ALPK2: variants seen among roughly 807,000 people sequenced by gnomAD.
ALPK2 encodes the protein alpha kinase 2, also known as alpha-protein kinase 2.
Under a neutral mutation model 163.1 loss-of-function variants are expected in ALPK2, and 127 were observed. That is an observed-to-expected ratio of 0.78 (90% CI 0.67 to 0.90). The LOEUF (loss-of-function observed/expected upper bound fraction) is 0.90, where lower values mean the gene tolerates loss of function less well. Among genes scored for constraint, ALPK2 ranks in the 40% least tolerant of loss-of-function variants. ALPK2 has a pLI of 0.00. For missense variants in ALPK2, 2,360 were observed against 2,589.6 expected (o/e 0.91, Z 1.92); for synonymous variants, 953 against 959.1 (o/e 0.99, Z 0.12).
chr18:58,531,100 T>C (rs1024382951), intron 5 of ALPK2, among the ~76,000 whole-genome samples: 1 of 151,938 alleles, frequency 6.6e-6, no homozygotes, highest in Non-Finnish European at 1.5e-5. Context: ...GAGGCTGAGG[T>C]GGGAGGATCG....
chr18:58,512,091 C>A (rs1246669827), intron 10 of ALPK2: 3 of 152,290 alleles, frequency 2.0e-5, no homozygotes, highest in African/African-American at 7.2e-5. Flanking sequence ...CGCCAAGCCA[C>A]CCTCTGTCGT....
chr18:58,601,426 C>A (rs79165899), intron 3 of ALPK2, among the ~76,000 whole-genome samples: 2,763 of 152,250 alleles, frequency 0.018, 48 homozygotes, highest in East Asian at 0.09. Context: ...AGTACGCACA[C>A]CTTGTTGCAA....
intron 4 of ALPK2, among the ~76,000 whole-genome samples, chr18:58,574,230 G>A (rs1356448186): frequency 2.6e-5 from 4 of 151,494 alleles, no homozygotes. Flanking sequence ...GGATCACAAG[G>A]TCAGGAGTTC....
rs759355327 is a variant in ALPK2, at chr18:58,537,099, C to T, written c.3088G>A (p.Asp1030Asn). The part of the protein sequence containing the change: ...AKYLAVSIPE[D>N]KHAGGTEERF... ...TCCTCAGTGCCACCTGCATGCTTGT[C>T]CTCAGGAATTGACACAGCAAGGTAT... The change falls in exon 5 of 13, where the codon GAC becomes AAC. Residue 1030 changes from aspartate to asparagine, a missense_variant. Coordinates refer to ENST00000361673, the MANE Select transcript of ALPK2 (RefSeq NM_052947.4). 1.2e-6 allele frequency: 2 copies of T among 1,614,222 alleles called. No individual in the cohort carries two copies. The highest frequency in any genetic ancestry group is 1.1e-5 in the South Asian group (1 of 91,090).
At chr18:58,551,589 C>T (rs2051760567) in intron 4 of ALPK2, among the ~76,000 whole-genome samples, 1 of 152,176 alleles carries the variant, frequency 6.6e-6, no homozygotes, top group South Asian at 2.1e-4. Context: ...TCCAGCCTGT[C>T]CTTTTGGCCC....
Position 58,537,221 on chromosome 18 carries a change from G to C in ALPK2, c.2966C>G (p.Pro989Arg), listed in dbSNP as rs1364124656. The C allele has an allele frequency of 6.2e-7, 1 of 1,614,154 alleles. No homozygotes were observed. Among genetic ancestry groups the C allele is most frequent in the Admixed American group, 1.7e-5 (1 of 60,026 alleles). ...SSIVSFPWEK[P>R]TTLTANNECF... ...CTCATTATTAGCAGTTAATGTTGTT[G>C]GCTTCTCCCAAGGAAAACTCACAAT... The change falls in exon 5 of 13, where the codon CCA becomes CGA. Residue 989 changes from proline to arginine, a missense_variant. Coordinates refer to ENST00000361673, the MANE Select transcript of ALPK2 (RefSeq NM_052947.4).
At chr18:58,615,109 CG>C (rs1446137723) in intron 1 of ALPK2, among the ~76,000 whole-genome samples, 1 of 152,060 alleles carries the variant, frequency 6.6e-6, no homozygotes, top group Non-Finnish European at 1.5e-5. Context: ...ACACAGAGCC[CG>C]GCCTATTCTG....
intron 9 of ALPK2, 50 bp from the exon 10 acceptor site, chr18:58,515,131 A>G (rs780881739): frequency 7.1e-7 from 1 of 1,399,206 alleles, no homozygotes; most frequent in Non-Finnish European, 1.0e-6. Flanking sequence ...GGAAATTCAG[A>G]CAGTATTGCC....
At chr18:58,522,652 C>G (rs1486241797) in intron 8 of ALPK2, among the ~76,000 whole-genome samples, 1 of 152,166 alleles carries the variant, frequency 6.6e-6, no homozygotes, top group Non-Finnish European at 1.5e-5. Flanking sequence ...GCTAGTCAAA[C>G]TGAAAGGAAA....
At chr18:58,577,669 GTGGCTTTTACC>G (rs2051928876) in intron 4 of ALPK2, among the ~76,000 whole-genome samples, 5 of 152,214 alleles carry the variant, frequency 3.3e-5, no homozygotes, top group Admixed American at 2.6e-4. Context: ...AAATATAAAT[GTGGCTTTTACC>G]TGGCCAGTTT....
intron 12 of ALPK2, among the ~76,000 whole-genome samples, chr18:58,491,637 A>T (rs1228666755): frequency 1.3e-5 from 2 of 151,796 alleles, no homozygotes. Context: ...CACTACCCCC[A>T]CTTCCCGACC....
rs770674676 is a variant in ALPK2, at chr18:58,517,141, C to A, written c.5707G>T (p.Asp1903Tyr). The change falls in exon 9 of 13, where the codon GAC (aspartate) becomes TAC (tyrosine). Residue 1903 changes from aspartate (D) to tyrosine (Y), a missense_variant. By Grantham distance (160) the Asp-to-Tyr change is radical (BLOSUM62 -3). Transcript: ENST00000361673. The stretch of plus-strand genomic sequence containing the variant: ...CCAAAGTAGCTGTCATGGAGGAAGT[C>A]TTCTTTGAAGATGAGTTGGCTGAAT... ...IEFSQLIFKE[D>Y]FLHDSYFGGR... 8 of 1,614,118 alleles carry A rather than the reference C, an allele frequency of 5.0e-6. No homozygotes were observed. The highest frequency in any genetic ancestry group is 6.8e-6 in the Non-Finnish European group (8 of 1,179,980).
At chr18:58,564,720 A>G (rs1378685179) in intron 4 of ALPK2, among the ~76,000 whole-genome samples, 1 of 152,124 alleles carries the variant, frequency 6.6e-6, no homozygotes, top group African/African-American at 2.4e-5. Context: ...TGACCCCTTC[A>G]GTTTACACTG....
rs749553859 is a variant in ALPK2 at position 58,535,537 on chromosome 18, G to A, written c.4650C>T (p.His1550=). 6.8e-6 allele frequency: 11 copies of A among 1,614,060 alleles called. No homozygotes were observed. The South Asian group carries it at 7.7e-5, about 11-fold the overall frequency. The stretch of plus-strand genomic sequence containing the variant: ...TGTGCGTGTCAACCCCAAGAGAAGC[G>A]TGAGTCATTATTGGAAGACAACTAG... ...PLSSCLPIMT[H]ASLGVDTHNS... is the part of the protein sequence containing the mutation. Residue 1550 remains histidine (H), a synonymous_variant, in exon 5 of 13, where the codon CAC becomes CAT. Transcript: ENST00000361673.
intron 12 of ALPK2, among the ~76,000 whole-genome samples, chr18:58,493,813 C>T (rs1030490099): frequency 7.2e-5 from 11 of 152,268 alleles, no homozygotes; most frequent in African/African-American, 1.9e-4. Context: ...GCAGCCACTG[C>T]GAGGGGTGTC....
At chr18:58,503,572 A>C (rs2051444763) in intron 11 of ALPK2, among the ~76,000 whole-genome samples, 1 of 152,144 alleles carries the variant, frequency 6.6e-6, no homozygotes, top group South Asian at 2.1e-4. Context: ...GGTAGAATGC[A>C]TGTGCAGTCT....
At chr18:58,544,587 T>G (rs981569634) in intron 4 of ALPK2, 2 of 152,218 alleles carry the variant, frequency 1.3e-5, no homozygotes, top group Admixed American at 1.3e-4. Context: ...AATAGCCAAG[T>G]GGATGAAACT....
intron 12 of ALPK2, among the ~76,000 whole-genome samples, chr18:58,492,146 G>GACACACACACAC (rs60280063): frequency 0.013 from 1,933 of 151,394 alleles, 28 homozygotes; most frequent in African/African-American, 0.044. Flanking sequence ...GGTCTCTTTA[G>GACACACACACAC]ACACACACAC....
intron 10 of ALPK2, among the ~76,000 whole-genome samples, chr18:58,508,168 C>CTAATAA (rs2051471001): frequency 6.6e-6 from 1 of 152,144 alleles, no homozygotes; most frequent in African/African-American, 2.4e-5. Context: ...CCTGACTCTA[C>CTAATAA]TAATAATAAA....
Sources: allele counts gnomAD v4.1 joint callset (sites outside exome capture counted in the v4.1 genomes callset), GRCh38; gene constraint gnomAD v4.1.1; transcripts MANE v1.5; gene names NCBI Gene and HGNC (gene_info 2026-07-23, HGNC 2026-07-21).